Variants in AFDN observed in about 807,000 individuals in gnomAD.
AFDN encodes the protein afadin, adherens junction formation factor, also known as afadin.
In AFDN, 68 loss-of-function variants were observed where a neutral mutation model predicts 216.6. The ratio of observed to expected loss-of-function variants is 0.31; its 90% confidence interval spans 0.26 to 0.38. The LOEUF (loss-of-function observed/expected upper bound fraction) is 0.38, where lower values mean the gene tolerates loss of function less well. Ranked by LOEUF, AFDN falls within the 10% of genes least tolerant of loss-of-function variation. The probability of loss-of-function intolerance (pLI) is 1.00; values close to 1 mark genes in which losing one functional copy is unlikely to be tolerated. For synonymous variants in AFDN, 868 were observed against 853.7 expected (o/e 1.02, Z -0.29); for missense variants, 2,136 against 2,342.0 (o/e 0.91, Z 1.82).
chr6:167,954,379 G>T, intron 30 of AFDN: 1 of 1,157,400 alleles, frequency 8.6e-7, no homozygotes, highest in South Asian at 1.5e-5. Context: ...ATATGCCGAT[G>T]GCAGATTACA....
chr6:167,965,747 C>T lies in AFDN; in HGVS notation c.4969-10C>T, dbSNP rs1297735468. 7 of 1,522,026 alleles carry T rather than the reference C, an allele frequency of 4.6e-6. No homozygotes were observed. Among genetic ancestry groups the T allele is most frequent in the Non-Finnish European group, 6.2e-6 (7 of 1,135,552 alleles). 94.3% of individuals were successfully genotyped at this position (1,522,026 alleles called of 1,614,324 possible). On this transcript the variant is annotated splice_polypyrimidine_tract_variant and intron_variant, in intron 31 of 33. Coordinates refer to ENST00000683244, the MANE Select transcript of AFDN (RefSeq NM_001386888.1). ...CTGACCTTTGCACTCTTGTCTATTC[C>T]CGCCCGCAGAGGCGACAGGAAGAAG...
intron 23 of AFDN, among the ~76,000 whole-genome samples, chr6:167,931,404 G>A (rs191426617): frequency 6.6e-5 from 10 of 152,270 alleles, no homozygotes; most frequent in Non-Finnish European, 1.0e-4. Context: ...TAGTTGGATA[G>A]TGAAGCTCAG....
intron 1 of AFDN, among the ~76,000 whole-genome samples, chr6:167,855,153 G>T (rs997580509): frequency 1.3e-5 from 2 of 151,864 alleles, no homozygotes; most frequent in Non-Finnish European, 1.5e-5. Flanking sequence ...AGTTTTCAAG[G>T]TATTCTAGTT....
chr6:167,932,543 GA>G (rs1178797567), intron 23 of AFDN: 2 of 152,228 alleles, frequency 1.3e-5, no homozygotes, highest in Non-Finnish European at 2.9e-5. Context: ...GGTTACGTAA[GA>G]GCCTGAATAT....
At chr6:167,917,365 T>G in intron 20 of AFDN, 133 bp downstream of exon 20, 1 of 1,016,286 alleles carries the variant, frequency 9.8e-7, no homozygotes, top group South Asian at 2.3e-5. Flanking sequence ...CATTTTCGTG[T>G]TGCTGTCCAA....
chr6:167,844,923 G>T (rs1362142161), intron 1 of AFDN, among the ~76,000 whole-genome samples: 2 of 147,396 alleles, frequency 1.4e-5, no homozygotes, highest in African/African-American at 5.0e-5. Context: ...GCAGTGGCGC[G>T]ATCATAGCTC....
intron 6 of AFDN, 69 bp from the exon 7 acceptor site, chr6:167,889,146 T>G (rs1787243879): frequency 3.0e-6 from 3 of 984,832 alleles, no homozygotes. Context: ...GCAATAAATG[T>G]GTTCTTTTAA....
intron 8 of AFDN, among the ~76,000 whole-genome samples, chr6:167,891,813 C>T (rs928849865): frequency 2.4e-4 from 37 of 152,156 alleles, no homozygotes; most frequent in African/African-American, 8.2e-4. Context: ...ATGTGACCTG[C>T]ATTATACAAT....
intron 7 of AFDN, 117 bp from the exon 8 acceptor site, chr6:167,890,745 A>G: frequency 1.1e-6 from 1 of 904,246 alleles, no homozygotes; most frequent in Non-Finnish European, 1.7e-6. Context: ...ATTCCTTGGC[A>G]GATGTTCCTA....
At chr6:167,924,033 T>G (rs1792172157) in intron 22 of AFDN, among the ~76,000 whole-genome samples, 1 of 152,202 alleles carries the variant, frequency 6.6e-6, no homozygotes, top group Admixed American at 6.5e-5. Context: ...TCTAGGTAGA[T>G]TCACTCATTC....
rs373911649 is a variant in AFDN at position 167,914,755 on chromosome 6, A to T, written c.2299+17A>T. 1.2e-5 allele frequency: 19 copies of T among 1,529,108 alleles called. No homozygotes were observed. Among genetic ancestry groups the T allele is most frequent in the East Asian group, 1.1e-4 (5 of 44,470 alleles). The allele number at this position is 1,529,108 out of a possible 1,614,324, so 94.7% of individuals were successfully genotyped here. A position where few individuals can be genotyped will look rare whatever the true frequency, so the allele number is the denominator to read the frequency against. ...CAAAAATAGGTTAGGATGTTTTCTGACTGTCTCCCTCTATCCCGCTTCCTT... is the reference window on the plus strand; with the variant it reads ...CAAAAATAGGTTAGGATGTTTTCTGTCTGTCTCCCTCTATCCCGCTTCCTT... On this transcript the variant is annotated intron_variant, in intron 18 of 33. Coordinates refer to ENST00000683244, the MANE Select transcript of AFDN (RefSeq NM_001386888.1).
At chr6:167,940,220 G>T (rs1174438599) in intron 23 of AFDN, among the ~76,000 whole-genome samples, 12 of 151,506 alleles carry the variant, frequency 7.9e-5, no homozygotes, top group Non-Finnish European at 1.5e-4. Context: ...GAGATGTAGG[G>T]GTGAGGGTGG....
intron 7 of AFDN, among the ~76,000 whole-genome samples, chr6:167,889,907 T>C (rs1430429665): frequency 6.6e-6 from 1 of 152,202 alleles, no homozygotes; most frequent in Admixed American, 6.5e-5. Context: ...TTGGACAAAT[T>C]TGTTATGATA....
intron 23 of AFDN, among the ~76,000 whole-genome samples, chr6:167,935,835 AG>A (rs1793930273): frequency 1.3e-5 from 2 of 151,834 alleles, no homozygotes; most frequent in African/African-American, 4.8e-5. Context: ...TGTAAATTAT[AG>A]TATGGTAAAA....
At chr6:167,926,642 G>A (rs934569260) in intron 23 of AFDN, among the ~76,000 whole-genome samples, 1 of 152,182 alleles carries the variant, frequency 6.6e-6, no homozygotes, top group African/African-American at 2.4e-5. Flanking sequence ...ATGCTGCCCA[G>A]GCTGATCTCG....
At chr6:167,871,132 A>G (rs1784747275) in intron 3 of AFDN, among the ~76,000 whole-genome samples, 1 of 130,906 alleles carries the variant, frequency 7.6e-6, no homozygotes. Context: ...CCCCCAACAG[A>G]TTGGGAAAAG....
intron 32 of AFDN, among the ~76,000 whole-genome samples, chr6:167,967,569 A>AT (rs946953819): frequency 1.3e-5 from 2 of 151,050 alleles, no homozygotes; most frequent in Admixed American, 1.3e-4. Context: ...AACCTAAGAT[A>AT]TTTTTTTATG....
At chr6:167,892,763 C>T (rs906465564) in intron 8 of AFDN, among the ~76,000 whole-genome samples, 5 of 152,130 alleles carry the variant, frequency 3.3e-5, no homozygotes, top group African/African-American at 7.2e-5. Context: ...ATTGTTATTT[C>T]GACTGCTTCT....
intron 23 of AFDN, among the ~76,000 whole-genome samples, chr6:167,932,337 A>G (rs1003194959): frequency 6.6e-6 from 1 of 152,228 alleles, no homozygotes; most frequent in African/African-American, 2.4e-5. Context: ...ATTTGGAAGC[A>G]GTGTGGGTAT....
Sources: allele counts gnomAD v4.1 joint callset (sites outside exome capture counted in the v4.1 genomes callset), GRCh38; gene constraint gnomAD v4.1.1; transcripts MANE v1.5; gene names NCBI Gene and HGNC (gene_info 2026-07-23, HGNC 2026-07-21).